Variants in MACROD2 observed in about 807,000 individuals in gnomAD.
MACROD2 encodes ADP-ribose glycohydrolase MACROD2.
Under a neutral mutation model 70.4 loss-of-function variants are expected in MACROD2, and 36 were observed. The observed-to-expected ratio is 0.51, with a 90% confidence interval of 0.39 to 0.68. The LOEUF (loss-of-function observed/expected upper bound fraction) is 0.68, where lower values mean the gene tolerates loss of function less well. Among genes scored for constraint, MACROD2 ranks in the 30% least tolerant of loss-of-function variants. MACROD2 has a pLI of 0.00. For synonymous variants in MACROD2, 172 were observed against 178.8 expected (o/e 0.96, Z 0.30); for missense variants, 496 against 538.4 (o/e 0.92, Z 0.78).
chr20:15,148,301 A>T (rs1285330906), intron 5 of MACROD2, among the ~76,000 whole-genome samples: 1 of 151,990 alleles, frequency 6.6e-6, no homozygotes, highest in African/African-American at 2.4e-5. Flanking sequence ...GATGGCCTGG[A>T]TACCGTTTTG....
At chr20:15,482,188 C>T (rs774538153) in intron 7 of MACROD2, among the ~76,000 whole-genome samples, 18 of 152,106 alleles carry the variant, frequency 1.2e-4, no homozygotes, top group Non-Finnish European at 2.1e-4. Flanking sequence ...GCCAAGATTT[C>T]GTTTATTTCC....
At chr20:15,914,137 CT>C (rs2065277098) in intron 10 of MACROD2, among the ~76,000 whole-genome samples, 3 of 152,168 alleles carry the variant, frequency 2.0e-5, no homozygotes, top group Admixed American at 2.0e-4. Context: ...CTATTAACCC[CT>C]TTCTTTTTCT....
intron 5 of MACROD2, among the ~76,000 whole-genome samples, chr20:14,784,205 A>G (rs1432537229): frequency 6.6e-6 from 1 of 152,080 alleles, no homozygotes. Flanking sequence ...TTTCCCTGCT[A>G]GCTCTGGGGA....
At chr20:15,640,515 C>T (rs960297364) in intron 8 of MACROD2, among the ~76,000 whole-genome samples, 2 of 152,208 alleles carry the variant, frequency 1.3e-5, no homozygotes, top group African/African-American at 4.8e-5. Flanking sequence ...AATCCAGAGG[C>T]TCCGCTCTGC....
intron 8 of MACROD2, among the ~76,000 whole-genome samples, chr20:15,765,169 T>C (rs548204742): frequency 2.1e-3 from 316 of 152,312 alleles, no homozygotes; most frequent in African/African-American, 7.2e-3. Flanking sequence ...TTCATTGCAG[T>C]GCAACCTGCT....
At chr20:14,231,313 A>G (rs1390239473) in intron 3 of MACROD2, among the ~76,000 whole-genome samples, 1 of 151,416 alleles carries the variant, frequency 6.6e-6, no homozygotes, top group Admixed American at 6.6e-5. Flanking sequence ...AACAGGCCCC[A>G]GAGTGTGATG....
chr20:14,060,165 A>G (rs1368541150), intron 2 of MACROD2, among the ~76,000 whole-genome samples: 1 of 152,230 alleles, frequency 6.6e-6, no homozygotes, highest in Non-Finnish European at 1.5e-5. Context: ...CATATAACTC[A>G]GTCCAAAGCT....
chr20:14,722,446 C>T (rs1568758973), intron 5 of MACROD2, among the ~76,000 whole-genome samples: 1 of 152,136 alleles, frequency 6.6e-6, no homozygotes, highest in Admixed American at 6.5e-5. Context: ...GGCACAAAGA[C>T]CCTGAACACG....
At chr20:14,026,169 C>T (rs1221663449) in intron 2 of MACROD2, among the ~76,000 whole-genome samples, 3 of 152,166 alleles carry the variant, frequency 2.0e-5, no homozygotes, top group African/African-American at 7.2e-5. Context: ...ATTGCAACCC[C>T]TGTTTTATTT....
At chr20:15,845,821 C>T (rs891219639) in intron 8 of MACROD2, among the ~76,000 whole-genome samples, 2 of 152,094 alleles carry the variant, frequency 1.3e-5, no homozygotes, top group Admixed American at 1.3e-4. Flanking sequence ...TATTATTAGC[C>T]CTATTTAACT....
intron 5 of MACROD2, among the ~76,000 whole-genome samples, chr20:15,121,071 G>T (rs1208214905): frequency 1.3e-5 from 2 of 151,952 alleles, no homozygotes; most frequent in Non-Finnish European, 2.9e-5. Context: ...TTTTCTGTTT[G>T]TCAATTCCAT....
intron 5 of MACROD2, among the ~76,000 whole-genome samples, chr20:15,056,226 T>C (rs1383075972): frequency 6.6e-6 from 1 of 152,174 alleles, no homozygotes; most frequent in African/African-American, 2.4e-5. Flanking sequence ...TTAGAGGAGC[T>C]GAGGGAGCTA....
chr20:15,068,168 TATC>T (rs2075592092), intron 5 of MACROD2, among the ~76,000 whole-genome samples: 1 of 152,206 alleles, frequency 6.6e-6, no homozygotes, highest in South Asian at 2.1e-4. Context: ...CTTCTGATAA[TATC>T]ATGCATTTTT....
At chr20:14,158,124 G>A (rs1444606182) in intron 3 of MACROD2, among the ~76,000 whole-genome samples, 3 of 151,930 alleles carry the variant, frequency 2.0e-5, no homozygotes, top group African/African-American at 4.8e-5. Context: ...TTCTAATTGG[G>A]GTAAGATGAT....
chr20:14,196,763 C>T (rs552749240), intron 3 of MACROD2, among the ~76,000 whole-genome samples: 55 of 152,188 alleles, frequency 3.6e-4, no homozygotes, highest in Non-Finnish European at 6.0e-4. Context: ...TGGGTCTCCT[C>T]TTTCTCTGTA....
At chr20:15,146,362 C>G (rs1285316036) in intron 5 of MACROD2, among the ~76,000 whole-genome samples, 3 of 152,122 alleles carry the variant, frequency 2.0e-5, no homozygotes, top group Non-Finnish European at 2.9e-5. Flanking sequence ...TGGTAACTAT[C>G]ATTGTAGTAG....
intron 8 of MACROD2, among the ~76,000 whole-genome samples, chr20:15,718,018 C>CTTTTTTT (rs11087142): frequency 2.3e-4 from 32 of 140,410 alleles, no homozygotes; most frequent in African/African-American, 8.4e-4. Flanking sequence ...TGTTTTCTCT[C>CTTTTTTT]TTTTTTTTTT....
At chr20:15,588,471 C>T (rs1489442800) in intron 8 of MACROD2, among the ~76,000 whole-genome samples, 5 of 152,060 alleles carry the variant, frequency 3.3e-5, no homozygotes, top group Non-Finnish European at 7.4e-5. Context: ...TTGAATTTCT[C>T]CTCAAAAAAA....
At chr20:14,987,910 T>G (rs1250830242) in intron 5 of MACROD2, among the ~76,000 whole-genome samples, 10 of 152,142 alleles carry the variant, frequency 6.6e-5, no homozygotes, top group African/African-American at 4.8e-5. Flanking sequence ...ATTGCTTGCC[T>G]GAATTCAAGG....
Sources: allele counts gnomAD v4.1 joint callset (sites outside exome capture counted in the v4.1 genomes callset), GRCh38; gene constraint gnomAD v4.1.1; transcripts MANE v1.5; gene names NCBI Gene and HGNC (gene_info 2026-07-23, HGNC 2026-07-21).